The following MPHOSPH10 variants were observed in gnomAD, a reference collection of about 807,000 sequenced individuals.
MPHOSPH10 encodes the protein M-phase phosphoprotein 10, also known as U3 small nucleolar ribonucleoprotein MPP10.
In MPHOSPH10, 33 loss-of-function variants were observed where a neutral mutation model predicts 77.3. That is an observed-to-expected ratio of 0.43 (90% CI 0.32 to 0.57). The LOEUF is 0.57. Ranked by LOEUF, MPHOSPH10 falls within the 20% of genes least tolerant of loss-of-function variation. The pLI, the probability that MPHOSPH10 is intolerant of heterozygous loss-of-function variation, is 0.07. For synonymous variants in MPHOSPH10, 245 were observed against 268.0 expected, an observed-to-expected ratio of 0.91 and a Z score of 0.84; for missense variants, 708 against 780.1, an observed-to-expected ratio of 0.91 and a Z score of 1.10.
Position 71,133,003 on chromosome 2 carries a change from A to G in MPHOSPH10, c.195A>G (p.Lys65=). Residue 65 remains lysine, a synonymous_variant, in exon 2 of 11, where the codon AAA becomes AAG. Transcript: ENST00000244230. ...GGATCCATGGAAGCCCCTTGCAAAAACTTGTGATAGAAAATTTTGATGATG... is the reference window on the plus strand; with the variant it reads ...GGATCCATGGAAGCCCCTTGCAAAAGCTTGTGATAGAAAATTTTGATGATG... ...NGRIHGSPLQ[K]LVIENFDDEQ... 6.2e-7 allele frequency: 1 copy of G among 1,614,174 alleles called. No individual in the cohort carries two copies. The highest frequency in any genetic ancestry group is 1.1e-5 in the South Asian group (1 of 91,084).
chr2:71,134,168 C>G (rs911410989), intron 3 of MPHOSPH10, 63 bp downstream of exon 3: 5 of 1,455,094 alleles, frequency 3.4e-6, no homozygotes, highest in Non-Finnish European at 4.6e-6. Context: ...TGTGTGTACT[C>G]GTAGTTATCA....
At chr2:71,137,656 C>CAAAAA (rs60072810) in intron 4 of MPHOSPH10, among the ~76,000 whole-genome samples, 7 of 46,300 alleles carry the variant, frequency 1.5e-4, no homozygotes, top group African/African-American at 3.7e-4. Context: ...GAGACTGTCT[C>CAAAAA]AAAAAAAAAA....
intron 7 of MPHOSPH10, among the ~76,000 whole-genome samples, chr2:71,142,317 TG>T (rs1170165269): frequency 6.6e-6 from 1 of 152,226 alleles, no homozygotes; most frequent in Admixed American, 6.5e-5. Context: ...TCTTCCTGGC[TG>T]CCTTGCAATC....
Position 71,149,306 on chromosome 2 carries a change from T to C in MPHOSPH10, c.1749T>C (p.Tyr583=). The change falls in exon 10 of 11, where the codon TAT becomes TAC. Residue 583 remains tyrosine (Y), a synonymous_variant. Transcript: ENST00000244230. ...DKKRERRKKK[Y]QKRMKIKEKE... ...AACGAGAGCGAAGGAAAAAGAAATATCAAAAGCGTATGAAAATAAAAGAGA... is the reference window on the plus strand; with the variant it reads ...AACGAGAGCGAAGGAAAAAGAAATACCAAAAGCGTATGAAAATAAAAGAGA... 1.2e-6 allele frequency: 2 copies of C among 1,611,118 alleles called. No individual in the cohort carries two copies. Among genetic ancestry groups the C allele is most frequent in the Non-Finnish European group, 1.7e-6 (2 of 1,178,424 alleles).
In MPHOSPH10 at chr2:71,133,496, G is replaced by A. The variant is rs1673427122; in HGVS notation, c.688G>A (p.Glu230Lys). The change falls in exon 2 of 11, where the codon GAG becomes AAG. Residue 230 changes from glutamate to lysine, a missense_variant. Transcript: ENST00000244230. The part of the protein sequence containing the change: ...EEERKDDNDE[E>K]EEDIDFFEDI... ...GGAACGAAAAGATGATAATGATGAG[G>A]AGGAGGAAGATATTGATTTTTTTGA... 9 of 1,613,042 alleles carry A rather than the reference G, an allele frequency of 5.6e-6. No individual in the cohort carries two copies. The East Asian group carries it at 2.0e-4, about 36-fold the overall frequency.
intron 6 of MPHOSPH10, among the ~76,000 whole-genome samples, 176 bp downstream of exon 6, chr2:71,140,038 C>G (rs984062647): frequency 2.0e-5 from 3 of 152,050 alleles, no homozygotes; most frequent in African/African-American, 7.2e-5. Flanking sequence ...CAGTAGTATC[C>G]AGGAAAGACG....
chr2:71,144,393 C>G, intron 7 of MPHOSPH10, 35 bp from the exon 8 acceptor site: 2 of 1,464,252 alleles, frequency 1.4e-6, no homozygotes, highest in Non-Finnish European at 1.9e-6. Context: ...TATATCAAGT[C>G]GCTTAGTTTG....
intron 8 of MPHOSPH10, among the ~76,000 whole-genome samples, chr2:71,146,007 A>G (rs1673699491): frequency 6.6e-6 from 1 of 152,154 alleles, no homozygotes; most frequent in Non-Finnish European, 1.5e-5. Flanking sequence ...GCTGCATTGC[A>G]CATTTGCAGT....
intron 4 of MPHOSPH10, among the ~76,000 whole-genome samples, chr2:71,138,258 A>T (rs939757870): frequency 6.6e-6 from 1 of 152,222 alleles, no homozygotes; most frequent in Non-Finnish European, 1.5e-5. Flanking sequence ...GGGGGCGTTT[A>T]GTATATTATA....
intron 4 of MPHOSPH10, 55 bp from the exon 5 acceptor site, chr2:71,138,435 C>A: frequency 7.3e-7 from 1 of 1,364,444 alleles, no homozygotes; most frequent in Non-Finnish European, 9.8e-7. Flanking sequence ...TGCTTTTACA[C>A]AAATATAAGA....
In MPHOSPH10 at chr2:71,133,545, A is replaced by C; in HGVS notation, c.737A>C (p.Glu246Ala). Residue 246 changes from glutamate (E) to alanine (A), a missense_variant, in exon 2 of 11, where the codon GAA (glutamate) becomes GCA (alanine). Physicochemically the swap from Glu to Ala is moderately radical, Grantham distance 107. Around this residue, in one of 3 missense-constraint regions of MPHOSPH10, gnomAD observed 433 missense variants for 432.6 expected, o/e 1.00. Coordinates refer to ENST00000244230, the MANE Select transcript of MPHOSPH10 (RefSeq NM_005791.3). ...FFEDIDSDED[E>A]GGLFGSKKLK... ...GAAGATATTGATTCTGATGAAGATG[A>C]AGGGGGACTGTTTGGAAGTAAAAAA... 4 of 1,603,218 alleles carry C rather than the reference A, an allele frequency of 2.5e-6. No individual in the cohort carries two copies. The highest frequency in any genetic ancestry group is 3.4e-6 in the Non-Finnish European group (4 of 1,175,990).
chr2:71,133,816 ATTAG>A lies in MPHOSPH10; in HGVS notation c.769-128_769-125del, dbSNP rs370501300. ...TAATTATTTAGTTATTAGTTTGGTT[ATTAG>A]TTATTAGCTTGTAGTGTTATTAAGT... On this transcript the variant is annotated intron_variant, in intron 2 of 10. Coordinates refer to ENST00000244230, the MANE Select transcript of MPHOSPH10 (RefSeq NM_005791.3). 1.5e-4 allele frequency: 131 copies of A among 854,674 alleles called. No individual in the cohort carries two copies. The African/African-American group carries it at 2.1e-3, about 14-fold the overall frequency. 52.9% of individuals were successfully genotyped at this position (854,674 alleles called of 1,614,324 possible).
intron 3 of MPHOSPH10, 114 bp downstream of exon 3, chr2:71,134,219 T>C: frequency 9.6e-7 from 1 of 1,037,018 alleles, no homozygotes; most frequent in South Asian, 2.1e-5. Flanking sequence ...TAATATCAGA[T>C]ATTCTCAAGA....
intron 8 of MPHOSPH10, 45 bp downstream of exon 8, chr2:71,144,583 T>A (rs752028390): frequency 7.2e-7 from 1 of 1,383,814 alleles, no homozygotes; most frequent in Non-Finnish European, 1.0e-6. Flanking sequence ...CAGGGTGACC[T>A]TCATAGCTTT....
intron 8 of MPHOSPH10, among the ~76,000 whole-genome samples, chr2:71,147,542 A>G (rs901678299): frequency 1.3e-5 from 2 of 152,010 alleles, no homozygotes; most frequent in Non-Finnish European, 2.9e-5. Flanking sequence ...GTGTGATGGC[A>G]GGCGCCTGTA....
At position 71,130,766 on chromosome 2, in the gene MPHOSPH10, G is replaced by A. The variant is rs774246705; in HGVS notation, c.89+12G>A. 3.1e-6 allele frequency: 5 copies of A among 1,598,738 alleles called. No homozygotes were observed. Among genetic ancestry groups the A allele is most frequent in the Admixed American group, 1.7e-5 (1 of 59,230 alleles). ...GAGTGCTTCCTCACGTAAGTGCGCA[G>A]ATCCCGGGCTCGGGGTGCGACCGGG... is the stretch of plus-strand genomic sequence containing the variant. On this transcript the variant is annotated intron_variant, in intron 1 of 10. Transcript: ENST00000244230.
Position 71,133,835 on chromosome 2 carries a change from T to TTTGAAA in MPHOSPH10, c.769-113_769-112insTTGAAA, listed in dbSNP as rs544760896. On this transcript the variant is annotated intron_variant, in intron 2 of 10. Transcript: ENST00000244230. ...TTGGTTATTAGTTATTAGCTTGTAG[T>TTTGAAA]GTTATTAAGTCAGAAAGTAATATAT... 2.9e-4 allele frequency: 258 copies of TTTGAAA among 893,362 alleles called. 1 individual carries two copies. In the African/African-American group the frequency reaches 4.2e-3, roughly 15 times the overall value. 55.3% of individuals were successfully genotyped at this position (893,362 alleles called of 1,614,324 possible).
At chr2:71,133,705 T>C (rs1013970850) in intron 2 of MPHOSPH10, 129 bp downstream of exon 2, 52 of 1,081,188 alleles carry the variant, frequency 4.8e-5, no homozygotes, top group East Asian at 1.0e-4. Context: ...TTATCAGTTA[T>C]AAATGAATCT....
In MPHOSPH10 at chr2:71,137,882, G is replaced by A. The variant is rs1673527099; in HGVS notation, c.1099-608G>A. Among the ~76,000 whole-genome samples, 3 of 152,128 alleles carry A rather than the reference G, an allele frequency of 2.0e-5. No homozygotes were observed. In the South Asian group the frequency reaches 6.2e-4, roughly 32 times the overall value. On this transcript the variant is annotated intron_variant, in intron 4 of 10. Transcript: ENST00000244230. ...AAGTTAGAGATAATGGCCAGGCATG[G>A]TGGCTCACGCCTGTAATCCCAGCAC...
Sources: gnomAD v4.1 joint callset for allele counts (sites outside exome capture counted in the v4.1 genomes callset) on GRCh38, gnomAD v4.1.1 for gene constraint, gnomAD v4.1.1 regional missense constraint, MANE v1.5 for transcripts, NCBI Gene and HGNC (gene_info 2026-07-23, HGNC 2026-07-21) for gene names.